The following MYO7A variants were observed in gnomAD, a reference collection of about 807,000 sequenced individuals.
MYO7A encodes myosin VIIA.
MYO7A carries 210 observed loss-of-function variants against 263.8 expected under a neutral mutation model. That is an observed-to-expected ratio of 0.80 (90% CI 0.71 to 0.89). The LOEUF (loss-of-function observed/expected upper bound fraction) is 0.89, where lower values mean the gene tolerates loss of function less well. MYO7A is among the 40% of genes least tolerant of loss of function. The pLI, the probability that MYO7A is intolerant of heterozygous loss-of-function variation, is 0.00. For synonymous variants in MYO7A, 1,239 were observed against 1,197.3 expected (o/e 1.03, Z -0.72); for missense variants, 2,820 against 2,968.3 (o/e 0.95, Z 1.16).
At chr11:77,170,373 G>C (rs957493592) in intron 15 of MYO7A, among the ~76,000 whole-genome samples, 5 of 152,186 alleles carry the variant, frequency 3.3e-5, no homozygotes, top group Non-Finnish European at 7.3e-5. Context: ...CCTCAGGCAG[G>C]GCAAGGAGGC....
intron 16 of MYO7A, among the ~76,000 whole-genome samples, chr11:77,173,290 G>A (rs537815080): frequency 6.6e-6 from 1 of 152,282 alleles, no homozygotes; most frequent in South Asian, 2.1e-4. Context: ...GTTCTTGCTG[G>A]GGCTGCTTCT....
chr11:77,156,527 G>A, intron 5 of MYO7A, 133 bp from the exon 6 acceptor site: 1 of 1,334,572 alleles, frequency 7.5e-7, no homozygotes, highest in South Asian at 1.3e-5. Context: ...CCCTGCCCCA[G>A]CCCTGGAGGG....
intron 1 of MYO7A, 149 bp from the exon 2 acceptor site, chr11:77,130,440 G>T: frequency 1.6e-6 from 1 of 614,228 alleles, no homozygotes; most frequent in Non-Finnish European, 2.9e-6. Flanking sequence ...CACACAGGCT[G>T]GGCAGTGGTC....
At chr11:77,194,153 G>A in intron 31 of MYO7A, 1 of 720,168 alleles carries the variant, frequency 1.4e-6, no homozygotes, top group Non-Finnish European at 2.5e-6. Flanking sequence ...TGAGGGTGTG[G>A]CCCTGCCCTT....
At chr11:77,178,203 A>ATCCG (rs1954810957) in intron 19 of MYO7A, among the ~76,000 whole-genome samples, 1 of 3,510 alleles carries the variant, frequency 2.8e-4, no homozygotes, top group African/African-American at 1.9e-3. Context: ...CCATCCATCC[A>ATCCG]TCCATCCATC....
At position 77,205,634 on chromosome 11, in the gene MYO7A, G is replaced by C. The variant is rs1957396060; in HGVS notation, c.5636+17G>C. The stretch of plus-strand genomic sequence containing the variant: ...AGCCCTGAGGTACAGCGGCCACCAG[G>C]GGCAGGGACAGACACTGGGGCGGGC... On this transcript the variant is annotated intron_variant, in intron 40 of 48. Coordinates refer to ENST00000409709, the MANE Select transcript of MYO7A (RefSeq NM_000260.4). The C allele has an allele frequency of 6.8e-6, 11 of 1,612,644 alleles. No individual in the cohort carries two copies. The highest frequency in any genetic ancestry group is 9.3e-6 in the Non-Finnish European group (11 of 1,179,734).
At chr11:77,202,608 T>TA (rs1565467772) in intron 37 of MYO7A, among the ~76,000 whole-genome samples, 184 bp downstream of exon 37, 1 of 152,034 alleles carries the variant, frequency 6.6e-6, no homozygotes, top group Non-Finnish European at 1.5e-5. Flanking sequence ...CATCTTATCT[T>TA]CCTTCCTTCA....
chr11:77,184,563 G>T, intron 26 of MYO7A, 25 bp from the exon 27 acceptor site: 1 of 1,551,720 alleles, frequency 6.4e-7, no homozygotes, highest in South Asian at 1.2e-5. Context: ...AACTTTACCT[G>T]CCCTGTCCTC....
chr11:77,205,673 G>A, intron 40 of MYO7A, 56 bp downstream of exon 40: 1 of 1,603,080 alleles, frequency 6.2e-7, no homozygotes, highest in South Asian at 1.1e-5. Context: ...TGGCCACGCG[G>A]GGCTTGTGGG....
chr11:77,208,355 G>C, intron 42 of MYO7A, 75 bp from the exon 43 acceptor site: 1 of 1,172,114 alleles, frequency 8.5e-7, no homozygotes, highest in Non-Finnish European at 1.2e-6. Context: ...GCAGCTGCCA[G>C]ACAGGCCTTA....
chr11:77,196,347 C>T (rs1479951714), intron 32 of MYO7A, among the ~76,000 whole-genome samples: 2 of 137,904 alleles, frequency 1.5e-5, no homozygotes, highest in Non-Finnish European at 3.0e-5. Flanking sequence ...GCCTGGGGGA[C>T]AAGAGCAAGA....
At chr11:77,184,785 C>T (rs963654185) in intron 27 of MYO7A, 70 bp downstream of exon 27, 8 of 1,569,016 alleles carry the variant, frequency 5.1e-6, no homozygotes, top group Non-Finnish European at 6.9e-6. Flanking sequence ...CTCTGTCAAC[C>T]TAGCAAGAGA....
intron 28 of MYO7A, 138 bp downstream of exon 28, chr11:77,189,608 C>T (rs1411732474): frequency 2.4e-6 from 3 of 1,265,714 alleles, no homozygotes; most frequent in African/African-American, 1.5e-5. Context: ...GCCCCATCTT[C>T]CTGGCACCCC....
Position 77,199,745 on chromosome 11 carries a change from G to T in MYO7A, c.4779G>T (p.Leu1593=). The T allele has an allele frequency of 1.2e-6, 2 of 1,613,288 alleles. No homozygotes were observed. Among genetic ancestry groups the T allele is most frequent in the Non-Finnish European group, 1.7e-6 (2 of 1,179,506 alleles). ...TSSNAEDIRD[L]VVTFLEGLRK... ...GCAATGCTGAGGACATTCGTGACCT[G>T]GTGGTCACCTTCCTAGAGGGGCTCC... Residue 1593 remains leucine, a synonymous_variant, in exon 35 of 49, where the codon CTG becomes CTT. Transcript: ENST00000409709.
At chr11:77,134,781 CTTT>C (rs34558738) in intron 2 of MYO7A, among the ~76,000 whole-genome samples, 2 of 124,564 alleles carry the variant, frequency 1.6e-5, no homozygotes, top group South Asian at 2.5e-4. Context: ...TACCACTTAA[CTTT>C]TTTTTTTTTT....
At chr11:77,204,050 A>G (rs1298404961) in intron 38 of MYO7A, 26 bp from the exon 39 acceptor site, 4 of 1,581,796 alleles carry the variant, frequency 2.5e-6, no homozygotes, top group Non-Finnish European at 3.4e-6. Flanking sequence ...TCTATTCGGC[A>G]CAAGCCCTTC....
chr11:77,138,177 C>T lies in MYO7A; in HGVS notation c.19-4532C>T, dbSNP rs1052513890. Among the ~76,000 whole-genome samples, 2 of 151,954 alleles carry T rather than the reference C, an allele frequency of 1.3e-5. No homozygotes were observed. Among genetic ancestry groups the T allele is most frequent in the Admixed American group, 6.5e-5 (1 of 15,280 alleles). ...GGGCGCCCCCTCGCCGTCCCGCCCG[C>T]GGGCGTCACCTAAGCCGCCGTTGCC... On this transcript the variant is annotated intron_variant, in intron 2 of 48. Coordinates refer to ENST00000409709, the MANE Select transcript of MYO7A (RefSeq NM_000260.4). The surrounding 1 kb of genome is among the most constrained non-coding windows in gnomAD (Gnocchi z 4.9).
chr11:77,189,353 C>G lies in MYO7A; in HGVS notation c.3513C>G (p.Ile1171Met). ...GILRPALRDE[I>M]YCQISKQLTH... is the part of the protein sequence containing the mutation. ...CCTGCTGCCTGCCCAGGGACGAGAT[C>G]TACTGCCAGATCAGCAAGCAGCTGA... Residue 1171 changes from isoleucine (I) to methionine (M), a missense_variant, in exon 28 of 49, where the codon ATC becomes ATG. Ile to Met is a conservative substitution (Grantham distance 10). Coordinates refer to ENST00000409709, the MANE Select transcript of MYO7A (RefSeq NM_000260.4). 4 of 1,613,484 alleles carry G rather than the reference C, an allele frequency of 2.5e-6. No homozygotes were observed. In the South Asian group the frequency reaches 4.4e-5, roughly 18 times the overall value.
At chr11:77,209,966 A>G (rs1162030003) in intron 44 of MYO7A, among the ~76,000 whole-genome samples, 1 of 152,174 alleles carries the variant, frequency 6.6e-6, no homozygotes, top group African/African-American at 2.4e-5. Context: ...CCGCTTCTCA[A>G]GTGTGCCACA....
Sources: gnomAD v4.1 joint callset for allele counts (sites outside exome capture counted in the v4.1 genomes callset) on GRCh38, gnomAD v4.1.1 for gene constraint, Gnocchi (gnomAD v3.1) non-coding constraint, MANE v1.5 for transcripts, NCBI Gene and HGNC (gene_info 2026-07-23, HGNC 2026-07-21) for gene names.